SLC35G3: variants seen among roughly 807,000 people sequenced by gnomAD.
SLC35G3 encodes the protein solute carrier family 35 member G3.
Under a neutral mutation model 17.9 loss-of-function variants are expected in SLC35G3, and 10 were observed. The observed-to-expected ratio is 0.56, with a 90% CI of 0.34 to 0.95. The LOEUF (loss-of-function observed/expected upper bound fraction) is 0.95. Among genes scored for constraint, SLC35G3 ranks in the 40% least tolerant of loss-of-function variants. The pLI, the probability that SLC35G3 is intolerant of heterozygous loss-of-function variation, is 0.02. For missense variants in SLC35G3, 384 were observed against 433.6 expected, an observed-to-expected ratio of 0.89 and a Z score of 1.02; for synonymous variants, 208 against 197.7, an observed-to-expected ratio of 1.05 and a Z score of -0.44.
Position 35,193,321 on chromosome 17 carries a change from G to T in SLC35G3, c.987C>A (p.Ser329Arg). The part of the protein sequence containing the change: ...SIAIITAQNL[S>R]CERTGRVEE ...CCTCCACCCTCCCTGTCCTCTCACA[G>T]CTGAGGTTCTGGGCTGTAATGATGG... is the stretch of plus-strand genomic sequence containing the variant. The change falls in exon 1 of 1, where the codon AGC becomes AGA. Residue 329 changes from serine to arginine, a missense_variant. Coordinates refer to ENST00000297307, the MANE Select transcript of SLC35G3 (RefSeq NM_152462.2). 6.2e-7 allele frequency: 1 copy of T among 1,611,944 alleles called. No individual in the cohort carries two copies.
Position 35,193,751 on chromosome 17 carries a change from C to G in SLC35G3, c.557G>C (p.Gly186Ala), listed in dbSNP as rs1256832316. The G allele has an allele frequency of 6.2e-7, 1 of 1,611,912 alleles. No homozygotes were observed. Among genetic ancestry groups the G allele is most frequent in the African/African-American group, 1.3e-5 (1 of 74,714 alleles). ...CACATAGCCCAGGGCGGTGTAGACACCCGTGGTCCCCTCCTGTAGTGTCCA... is the reference window on the plus strand; with the variant it reads ...CACATAGCCCAGGGCGGTGTAGACAGCCGTGGTCCCCTCCTGTAGTGTCCA... ...GLWTLQEGTTGVYTALGYVEA... is the reference protein window; with the variant it reads ...GLWTLQEGTTAVYTALGYVEA... Residue 186 changes from glycine (G) to alanine (A), a missense_variant, in exon 1 of 1, where the codon GGT (glycine) becomes GCT (alanine). Physicochemically the swap from Gly to Ala is moderately conservative, Grantham distance 60. Transcript: ENST00000297307.
At position 35,194,208 on chromosome 17, in the gene SLC35G3, A is replaced by C; in HGVS notation, c.100T>G (p.Ser34Ala). 6.2e-7 allele frequency: 1 copy of C among 1,613,760 alleles called. No homozygotes were observed. Among genetic ancestry groups the C allele is most frequent in the Non-Finnish European group, 8.5e-7 (1 of 1,179,986 alleles). The stretch of plus-strand genomic sequence containing the variant: ...ACCAGCAGGCCACTGGTGGCATCAG[A>C]GGGCTGGCAGCGCTGGTACCAGCGG... ...SLRWYQRCQPSDATSGLLVAL... is the reference protein window; with the variant it reads ...SLRWYQRCQPADATSGLLVAL... The change falls in exon 1 of 1, where the codon TCT becomes GCT. Residue 34 changes from serine (S) to alanine (A), a missense_variant. Physicochemically the swap from Ser to Ala is moderately conservative, Grantham distance 99. Transcript: ENST00000297307.
In SLC35G3 at chr17:35,194,340, C is replaced by T. The variant is rs774250745; in HGVS notation, c.-33G>A. On this transcript the variant is annotated 5_prime_UTR_variant, in exon 1 of 1. Transcript: ENST00000297307. ...TGGACTTTCTCCTCTCCTCCTGGCT[C>T]AGGGAGCCTGGGCCCCTCAGAGCTC... 3 of 1,582,766 alleles carry T rather than the reference C, an allele frequency of 1.9e-6. No individual in the cohort carries two copies. In the South Asian group the frequency reaches 3.5e-5, roughly 19 times the overall value.
In SLC35G3 at chr17:35,194,365, C is replaced by T; in HGVS notation, c.-58G>A. 1 of 1,554,556 alleles carries T rather than the reference C, an allele frequency of 6.4e-7. No homozygotes were observed. Among genetic ancestry groups the T allele is most frequent in the South Asian group, 1.3e-5 (1 of 79,838 alleles). ...CAGGGAGCCTGGGCCCCTCAGAGCT[C>T]CAGCCATTGTGACCTCATTGGAGTG... On this transcript the variant is annotated 5_prime_UTR_variant, in exon 1 of 1. Transcript: ENST00000297307.
chr17:35,193,915 G>A lies in SLC35G3; in HGVS notation c.393C>T (p.Ala131=). ...AVQVVPAGNA[A]TVRKGSSTVC... The stretch of plus-strand genomic sequence containing the variant: ...CGGTGGAAGAACCTTTGCGAACAGT[G>A]GCAGCGTTGCCAGCGGGCACCACCT... Residue 131 remains alanine (A), a synonymous_variant, in exon 1 of 1, where the codon GCC becomes GCT. Transcript: ENST00000297307. The A allele has an allele frequency of 6.2e-7, 1 of 1,613,998 alleles. No individual in the cohort carries two copies. Among genetic ancestry groups the A allele is most frequent in the African/African-American group, 1.3e-5 (1 of 75,054 alleles).
Position 35,193,011 on chromosome 17 carries a change from C to T in SLC35G3, c.*280G>A, listed in dbSNP as rs923515303. On this transcript the variant is annotated 3_prime_UTR_variant, in exon 1 of 1. Transcript: ENST00000297307. Reference sequence around the variant, plus strand: ...GTGAAGTCCTCCCCATGGCCCACGGCCTCCCTGCCTCAGCCCTTTGGATCT... The same window carrying T: ...GTGAAGTCCTCCCCATGGCCCACGGTCTCCCTGCCTCAGCCCTTTGGATCT... 11 of 570,020 alleles carry T rather than the reference C, an allele frequency of 1.9e-5. No homozygotes were observed. The highest frequency in any genetic ancestry group is 9.4e-5 in the African/African-American group (5 of 53,234). The allele number at this position is 570,020 out of a possible 1,614,324, so 35.3% of individuals were successfully genotyped here.
chr17:35,194,006 C>T lies in SLC35G3; in HGVS notation c.302G>A (p.Arg101Gln), dbSNP rs147490548. 8.8e-5 allele frequency: 142 copies of T among 1,614,020 alleles called. No individual in the cohort carries two copies. The highest frequency in any genetic ancestry group is 2.2e-4 in the East Asian group (10 of 44,888). ...GDPLLGTPDIRSRAFFCALLN... is the reference protein window; with the variant it reads ...GDPLLGTPDIQSRAFFCALLN... ...CAGGGCACAGAAGAAGGCCCGGCTTCGGATGTCAGGAGTTCCCAGAAGGGG... is the reference window on the plus strand; with the variant it reads ...CAGGGCACAGAAGAAGGCCCGGCTTTGGATGTCAGGAGTTCCCAGAAGGGG... Residue 101 changes from arginine to glutamine, a missense_variant, in exon 1 of 1, where the codon CGA becomes CAA. Coordinates refer to ENST00000297307, the MANE Select transcript of SLC35G3 (RefSeq NM_152462.2).
chr17:35,194,067 G>A lies in SLC35G3; in HGVS notation c.241C>T (p.Leu81Phe). ...ELLIWRCLFH[L>F]PIALLLKLRG... is the part of the protein sequence containing the mutation. ...AGTTTAAGTAGCAGGGCAATAGGGA[G>A]GTGGAAGAGGCATCGCCAGATGAGC... Residue 81 changes from leucine to phenylalanine, a missense_variant, in exon 1 of 1, where the codon CTC becomes TTC. Transcript: ENST00000297307. 3 of 1,614,022 alleles carry A rather than the reference G, an allele frequency of 1.9e-6. No individual in the cohort carries two copies. Among genetic ancestry groups the A allele is most frequent in the East Asian group, 2.2e-5 (1 of 44,886 alleles).
chr17:35,193,896 A>G lies in SLC35G3; in HGVS notation c.412T>C (p.Ser138Pro), dbSNP rs754682126. ...GNAATVRKGS[S>P]TVCSAVLTLC... is the part of the protein sequence containing the mutation. ...GTGAGGACGGCGGAGCAGACGGTGG[A>G]AGAACCTTTGCGAACAGTGGCAGCG... Residue 138 changes from serine (S) to proline (P), a missense_variant, in exon 1 of 1, where the codon TCC becomes CCC. Transcript: ENST00000297307. 1.9e-6 allele frequency: 3 copies of G among 1,613,990 alleles called. No homozygotes were observed.
In SLC35G3 at chr17:35,192,966, G is replaced by A. The variant is rs552647317; in HGVS notation, c.*325C>T. 2.3e-4 allele frequency: 105 copies of A among 453,740 alleles called. No individual in the cohort carries two copies. The highest frequency in any genetic ancestry group is 1.9e-3 in the African/African-American group (98 of 50,620). The allele number at this position is 453,740 out of a possible 1,614,324, so 28.1% of individuals were successfully genotyped here. On this transcript the variant is annotated 3_prime_UTR_variant, in exon 1 of 1. Transcript: ENST00000297307. ...TTTGCCGGAACACTCCAGCCCCAAT[G>A]CTCTTCTCTTTGCTGCTGAGTGAAG...
rs1400501874 is a variant in SLC35G3, at chr17:35,192,644, G to A, written c.*647C>T. 2 of 158,908 alleles carry A rather than the reference G, an allele frequency of 1.3e-5. No individual in the cohort carries two copies. The highest frequency in any genetic ancestry group is 2.8e-5 in the Non-Finnish European group (2 of 72,192). 9.8% of individuals were successfully genotyped at this position (158,908 alleles called of 1,614,324 possible). A position where few individuals can be genotyped will look rare whatever the true frequency, so the allele number is the denominator to read the frequency against. On this transcript the variant is annotated 3_prime_UTR_variant, in exon 1 of 1. Transcript: ENST00000297307. ...CAGCATTTTCTTTTCATGTACTCAG[G>A]TGAGGAAAATCACTCTTTTATATCC...
rs2092334355 is a variant in SLC35G3, at chr17:35,193,552, A to G, written c.756T>C (p.Ser252=). The G allele has an allele frequency of 1.2e-6, 2 of 1,611,812 alleles. No homozygotes were observed. The highest frequency in any genetic ancestry group is 1.3e-5 in the African/African-American group (1 of 74,814). The change falls in exon 1 of 1, where the codon AGT becomes AGC. Residue 252 remains serine (S), a synonymous_variant. Transcript: ENST00000297307. ...QAPVLPSDLL[S]WSCVGAVGIL... ...TCCCCACTGCCCCCACACAACTCCAACTCAGGAGGTCACTGGGCAACACGG... is the reference window on the plus strand; with the variant it reads ...TCCCCACTGCCCCCACACAACTCCAGCTCAGGAGGTCACTGGGCAACACGG...
chr17:35,193,631 G>C lies in SLC35G3; in HGVS notation c.677C>G (p.Ser226Cys). 18 of 1,612,080 alleles carry C rather than the reference G, an allele frequency of 1.1e-5. No individual in the cohort carries two copies. The highest frequency in any genetic ancestry group is 1.5e-5 in the Non-Finnish European group (18 of 1,179,858). The change falls in exon 1 of 1, where the codon TCT becomes TGT. Residue 226 changes from serine to cysteine, a missense_variant. Ser to Cys is a moderately radical substitution (Grantham distance 112). Coordinates refer to ENST00000297307, the MANE Select transcript of SLC35G3 (RefSeq NM_152462.2). Reference protein sequence around the residue: ...PPCLPTVAFLSGLVGLLGSVP... With the variant: ...PPCLPTVAFLCGLVGLLGSVP... ...AGAGCCCAGCAGCCCCACCAAGCCAGATAGGAAGGCCACTGTTGGGAGGCA... is the reference window on the plus strand; with the variant it reads ...AGAGCCCAGCAGCCCCACCAAGCCACATAGGAAGGCCACTGTTGGGAGGCA...
rs143876130 is a variant in SLC35G3, at chr17:35,194,014, A to G, written c.294T>C (p.Pro98=). Residue 98 remains proline, a synonymous_variant, in exon 1 of 1, where the codon CCT becomes CCC. Transcript: ENST00000297307. ...AGAAGAAGGCCCGGCTTCGGATGTCAGGAGTTCCCAGAAGGGGGTCGCCAC... is the reference window on the plus strand; with the variant it reads ...AGAAGAAGGCCCGGCTTCGGATGTCGGGAGTTCCCAGAAGGGGGTCGCCAC... ...KLRGDPLLGT[P]DIRSRAFFCA... is the part of the protein sequence containing the mutation. 362 of 1,613,928 alleles carry G rather than the reference A, an allele frequency of 2.2e-4. No homozygotes were observed. Among genetic ancestry groups the G allele is most frequent in the Non-Finnish European group, 5.6e-5 (66 of 1,179,880 alleles).
At position 35,194,136 on chromosome 17, in the gene SLC35G3, A is replaced by G. The variant is rs1173388871; in HGVS notation, c.172T>C (p.Ser58Pro). 3 of 1,613,540 alleles carry G rather than the reference A, an allele frequency of 1.9e-6. No individual in the cohort carries two copies. Among genetic ancestry groups the G allele is most frequent in the Non-Finnish European group, 2.5e-6 (3 of 1,179,878 alleles). ...TTGGAAGCCTGGTAAGCCATACGAGAAAGGGGGCCCACGAAGCCAGCAGGC... is the reference window on the plus strand; with the variant it reads ...TTGGAAGCCTGGTAAGCCATACGAGGAAGGGGGCCCACGAAGCCAGCAGGC... Reference protein sequence around the residue: ...GLPAGFVGPLSRMAYQASNLP... With the variant: ...GLPAGFVGPLPRMAYQASNLP... Residue 58 changes from serine to proline, a missense_variant, in exon 1 of 1, where the codon TCT becomes CCT. Physicochemically the swap from Ser to Pro is moderately conservative, Grantham distance 74 (BLOSUM62 -1). Coordinates refer to ENST00000297307, the MANE Select transcript of SLC35G3 (RefSeq NM_152462.2).
Position 35,194,248 on chromosome 17 carries a change from G to C in SLC35G3, c.60C>G (p.Ser20=). The C allele has an allele frequency of 1.2e-6, 2 of 1,613,614 alleles. No homozygotes were observed. The highest frequency in any genetic ancestry group is 8.5e-7 in the Non-Finnish European group (1 of 1,179,810). ...GGTACCAGCGGAGGCTGGGTGGAGC[G>C]GAGGGCGGCGATGGGTGTGTGGAGT... ...QPDSTHPSPP[S]APPSLRWYQR... The change falls in exon 1 of 1, where the codon TCC becomes TCG. Residue 20 remains serine (S), a synonymous_variant. Coordinates refer to ENST00000297307, the MANE Select transcript of SLC35G3 (RefSeq NM_152462.2).
In SLC35G3 at chr17:35,193,713, C is replaced by G; in HGVS notation, c.595G>C (p.Gly199Arg). The change falls in exon 1 of 1, where the codon GGA becomes CGA. Residue 199 changes from glycine to arginine, a missense_variant. Gly to Arg is a moderately radical substitution (Grantham distance 125, BLOSUM62 -2). Coordinates refer to ENST00000297307, the MANE Select transcript of SLC35G3 (RefSeq NM_152462.2). ...AGCCTCAGGGACAGCGCCAGGCCTC[C>G]CAGGAAAGCCTCCACATAGCCCAGG... ...TALGYVEAFL[G>R]GLALSLRLLV... The G allele has an allele frequency of 6.2e-7, 1 of 1,612,064 alleles. No individual in the cohort carries two copies. The highest frequency in any genetic ancestry group is 1.3e-5 in the African/African-American group (1 of 74,994).
Position 35,193,010 on chromosome 17 carries a change from G to T in SLC35G3, c.*281C>A, listed in dbSNP as rs1406270875. On this transcript the variant is annotated 3_prime_UTR_variant, in exon 1 of 1. Transcript: ENST00000297307. ...AGTGAAGTCCTCCCCATGGCCCACG[G>T]CCTCCCTGCCTCAGCCCTTTGGATC... 3.7e-5 allele frequency: 21 copies of T among 566,226 alleles called. No homozygotes were observed. The East Asian group carries it at 5.7e-4, about 15-fold the overall frequency. The allele number at this position is 566,226 out of a possible 1,614,324, so 35.1% of individuals were successfully genotyped here. A position where few individuals can be genotyped will look rare whatever the true frequency, so the allele number is the denominator to read the frequency against.
chr17:35,194,289 A>C lies in SLC35G3; in HGVS notation c.19T>G (p.Tyr7Asp). MAGSHPYFNQPDSTHPS... is the reference protein window; with the variant it reads MAGSHPDFNQPDSTHPS... Reference sequence around the variant, plus strand: ...TGTGTGGAGTCAGGCTGGTTGAAATAGGGGTGACTGCCAGCCATCTTTCCT... The same window carrying C: ...TGTGTGGAGTCAGGCTGGTTGAAATCGGGGTGACTGCCAGCCATCTTTCCT... Residue 7 changes from tyrosine (Y) to aspartate (D), a missense_variant, in exon 1 of 1, where the codon TAT becomes GAT. Tyr to Asp is a radical substitution (Grantham distance 160). Transcript: ENST00000297307. The C allele has an allele frequency of 3.7e-6, 6 of 1,610,748 alleles. No homozygotes were observed. Among genetic ancestry groups the C allele is most frequent in the Non-Finnish European group, 5.1e-6 (6 of 1,178,486 alleles).
Sources: allele counts gnomAD v4.1 joint callset, GRCh38; gene constraint gnomAD v4.1.1; transcripts MANE v1.5; gene names NCBI Gene and HGNC (gene_info 2026-07-23, HGNC 2026-07-21).